ZNF385D: variants seen among roughly 807,000 people sequenced by gnomAD.
The protein encoded by ZNF385D is zinc finger protein 385D, also known as zinc finger protein 659.
Under a neutral mutation model 35.8 loss-of-function variants are expected in ZNF385D, and 15 were observed. The ratio of observed to expected loss-of-function variants is 0.42; its 90% confidence interval spans 0.28 to 0.64. The LOEUF is 0.64. ZNF385D is among the 30% of genes least tolerant of loss of function. ZNF385D has a pLI of 0.23. For missense variants in ZNF385D, 474 were observed against 494.6 expected (o/e 0.96, Z 0.39); for synonymous variants, 212 against 186.8 (o/e 1.13, Z -1.10).
chr3:22,176,378 A>G (rs530000593), intron 2 of ZNF385D, among the ~76,000 whole-genome samples: 1 of 152,328 alleles, frequency 6.6e-6, no homozygotes, highest in East Asian at 1.9e-4. Context: ...CCTAACTTAA[A>G]TATCACTTAG....
chr3:22,061,244 A>T (rs1457176782), intron 3 of ZNF385D, among the ~76,000 whole-genome samples: 1 of 152,230 alleles, frequency 6.6e-6, no homozygotes, highest in African/African-American at 2.4e-5. Context: ...TATGAAGAAA[A>T]GTAGTCATTT....
At chr3:21,913,183 T>C (rs1382126181) in intron 3 of ZNF385D, among the ~76,000 whole-genome samples, 2 of 152,022 alleles carry the variant, frequency 1.3e-5, no homozygotes, top group East Asian at 3.9e-4. Context: ...ATCCTTGAGG[T>C]CACTAGGTGT....
chr3:22,037,775 T>A (rs1005310055), intron 3 of ZNF385D, among the ~76,000 whole-genome samples: 23 of 152,174 alleles, frequency 1.5e-4, no homozygotes, highest in African/African-American at 4.8e-4. Flanking sequence ...AGACATGAAG[T>A]CCTTGCCCAT....
At chr3:22,159,997 A>G (rs1705843475) in intron 3 of ZNF385D, among the ~76,000 whole-genome samples, 1 of 151,886 alleles carries the variant, frequency 6.6e-6, no homozygotes, top group South Asian at 2.1e-4. Flanking sequence ...CAAAGGAGAG[A>G]CCATGTGGGG....
intron 6 of ZNF385D, among the ~76,000 whole-genome samples, chr3:21,424,303 A>ATATATATACT (rs1700894678): frequency 1.6e-5 from 1 of 62,598 alleles, no homozygotes; most frequent in African/African-American, 6.4e-5. Flanking sequence ...ATATATATTT[A>ATATATATACT]TATATATATA....
chr3:21,783,647 C>A (rs925254047), intron 3 of ZNF385D, among the ~76,000 whole-genome samples: 1 of 152,092 alleles, frequency 6.6e-6, no homozygotes, highest in Non-Finnish European at 1.5e-5. Flanking sequence ...TTTCTCCGTC[C>A]TTGTTCCCAC....
At position 21,989,504 on chromosome 3, in the gene ZNF385D, A is replaced by G. The variant is rs922258766; in HGVS notation, c.325+179313T>C. Among the ~76,000 whole-genome samples the G allele has an allele frequency of 5.9e-5, 9 of 152,226 alleles. 1 individual carries two copies. Among genetic ancestry groups the G allele is most frequent in the African/African-American group, 2.2e-4 (9 of 41,470 alleles). ...AAAAGACAATTATTAGCAAATAATT[A>G]TCATTCTCTCAAAAGGTATGTCAGT... On this transcript the variant is annotated intron_variant, in intron 3 of 5. Transcript: ENST00000494108.
intron 1 of ZNF385D, among the ~76,000 whole-genome samples, chr3:21,693,872 C>CTT (rs375360816): frequency 2.1e-5 from 3 of 142,494 alleles, no homozygotes; most frequent in Admixed American, 7.1e-5. Flanking sequence ...TTTAGAAAAT[C>CTT]TTTTTTTTTC....
intron 2 of ZNF385D, among the ~76,000 whole-genome samples, chr3:22,221,425 CATTTA>C (rs1446374147): frequency 6.6e-6 from 1 of 151,976 alleles, no homozygotes; most frequent in African/African-American, 2.4e-5. Context: ...CCAGACATAA[CATTTA>C]ATTAATTTAT....
At chr3:21,779,367 AAT>A (rs56151542) in intron 3 of ZNF385D, among the ~76,000 whole-genome samples, 57,696 of 151,320 alleles carry the variant, frequency 0.38, 11,038 homozygotes, top group Middle Eastern at 0.53. Flanking sequence ...GTGGAAAGAT[AAT>A]ATATATATAT....
chr3:21,750,173 A>G (rs145256699), intron 1 of ZNF385D, among the ~76,000 whole-genome samples: 3 of 152,350 alleles, frequency 2.0e-5, no homozygotes, highest in African/African-American at 7.2e-5. Context: ...GTGCAAATGC[A>G]CAGCTCCAAG....
chr3:22,320,045 A>T (rs1000307227), intron 2 of ZNF385D, among the ~76,000 whole-genome samples: 5 of 151,976 alleles, frequency 3.3e-5, no homozygotes, highest in African/African-American at 9.7e-5. Flanking sequence ...GAATTTCACA[A>T]AACACATACA....
chr3:21,775,559 C>A (rs555757259), intron 3 of ZNF385D, among the ~76,000 whole-genome samples: 11 of 151,912 alleles, frequency 7.2e-5, no homozygotes, highest in African/African-American at 2.7e-4. Context: ...ATTTCTTTAG[C>A]AATTAAGACC....
chr3:21,602,517 C>CCTTTTTTT (rs2064333283), intron 2 of ZNF385D, among the ~76,000 whole-genome samples: 1 of 62,710 alleles, frequency 1.6e-5, no homozygotes, highest in African/African-American at 7.6e-5. Flanking sequence ...CCTGCATTTT[C>CCTTTTTTT]TTTTTTTTTT....
intron 3 of ZNF385D, among the ~76,000 whole-genome samples, chr3:21,559,264 G>A (rs1475708673): frequency 6.6e-6 from 1 of 152,030 alleles, no homozygotes; most frequent in Non-Finnish European, 1.5e-5. Flanking sequence ...TAGTGTCGAT[G>A]GTCTTTACAA....
chr3:22,171,454 A>T (rs531288337), intron 2 of ZNF385D, among the ~76,000 whole-genome samples: 1 of 152,310 alleles, frequency 6.6e-6, no homozygotes, highest in Admixed American at 6.5e-5. Flanking sequence ...TTATCAGGCA[A>T]TGTCAACAAT....
intron 2 of ZNF385D, among the ~76,000 whole-genome samples, chr3:22,359,673 G>A (rs1186145285): frequency 1.3e-5 from 2 of 151,818 alleles, no homozygotes; most frequent in Admixed American, 6.6e-5. Flanking sequence ...GTCATGTCAA[G>A]AAGAAGTGGA....
chr3:21,751,236 A>ACCGC, upstream of ZNF385D: 12 of 1,106,858 alleles, frequency 1.1e-5, no homozygotes, highest in South Asian at 2.7e-5. Context: ...AGACCCCTCC[A>ACCGC]CCCCACCCCA....
At chr3:21,474,144 T>C (rs546121377) in intron 4 of ZNF385D, among the ~76,000 whole-genome samples, 19 of 152,068 alleles carry the variant, frequency 1.2e-4, no homozygotes, top group Admixed American at 1.2e-3. Context: ...TGATGTTGCT[T>C]TGAGGCATTG....
Sources: gnomAD v4.1 joint callset for allele counts (sites outside exome capture counted in the v4.1 genomes callset) on GRCh38, gnomAD v4.1.1 for gene constraint, MANE v1.5 for transcripts, NCBI Gene and HGNC (gene_info 2026-07-23, HGNC 2026-07-21) for gene names.